RB1CC1: variants seen among roughly 807,000 people sequenced by gnomAD.
RB1CC1 encodes RB1-inducible coiled-coil protein 1.
In RB1CC1, 46 loss-of-function variants were observed where a neutral mutation model predicts 177.5. The observed-to-expected ratio is 0.26, with a 90% CI of 0.20 to 0.33. RB1CC1 has a LOEUF of 0.33. RB1CC1 is among the 10% of genes least tolerant of loss of function. The pLI, the probability that RB1CC1 is intolerant of heterozygous loss-of-function variation, is 1.00. For missense variants in RB1CC1, 1,703 were observed against 1,816.3 expected, an observed-to-expected ratio of 0.94 and a Z score of 1.13; for synonymous variants, 666 against 613.6, an observed-to-expected ratio of 1.09 and a Z score of -1.26.
chr8:52,660,038 G>T (rs192680403), intron 12 of RB1CC1, among the ~76,000 whole-genome samples: 90 of 152,302 alleles, frequency 5.9e-4, no homozygotes, highest in African/African-American at 2.0e-3. Context: ...TCTGATGGGG[G>T]TAAAAGCCCC....
At chr8:52,686,261 C>A (rs762372450) in intron 2 of RB1CC1, 3 of 152,272 alleles carry the variant, frequency 2.0e-5, no homozygotes, top group Non-Finnish European at 4.4e-5. Context: ...ATAACATACA[C>A]AACAAGCCAC....
Position 52,674,072 on chromosome 8 carries a change from GA to G in RB1CC1, c.774del (p.Lys260SerfsTer50). The G allele has an allele frequency of 6.2e-7, 1 of 1,614,136 alleles. No homozygotes were observed. Among genetic ancestry groups the G allele is most frequent in the Non-Finnish European group, 8.5e-7 (1 of 1,180,002 alleles). On this transcript the variant is annotated frameshift_variant, in exon 7 of 24. Transcript: ENST00000025008. LOFTEE classifies it high-confidence loss of function. ...GGGGACACATGTTCCACTGACTTGG[GA>G]AATGAGGTTAACAAAGATTCGTTAG... ...RTTNESLLTS[F>X]PKSVEHVSPD...
rs572699654 is a variant in RB1CC1, at chr8:52,697,026, A to G, written c.-166-10059T>C. On this transcript the variant is annotated intron_variant, in intron 1 of 23. Coordinates refer to ENST00000025008, the MANE Select transcript of RB1CC1 (RefSeq NM_014781.5). ...AAAACAAAAAACAAAACAAAACAAA[A>G]AAGATACGTATTTCAGTCCATTTAT... is the stretch of plus-strand genomic sequence containing the variant. Among the ~76,000 whole-genome samples the G allele has an allele frequency of 1.1e-4, 16 of 152,134 alleles. No individual in the cohort carries two copies. In the East Asian group the frequency reaches 1.4e-3, roughly 13 times the overall value.
At chr8:52,701,286 C>T (rs924081817) in intron 1 of RB1CC1, among the ~76,000 whole-genome samples, 3 of 152,032 alleles carry the variant, frequency 2.0e-5, no homozygotes, top group African/African-American at 7.2e-5. Context: ...CCACACCCAG[C>T]TAATTTTTTG....
intron 15 of RB1CC1, among the ~76,000 whole-genome samples, chr8:52,655,473 T>A (rs1851011211): frequency 6.6e-6 from 1 of 151,912 alleles, no homozygotes; most frequent in Non-Finnish European, 1.5e-5. Context: ...ACACCACCAA[T>A]CCACAACCAC....
intron 16 of RB1CC1, 73 bp downstream of exon 16, chr8:52,645,629 T>A: frequency 2.1e-6 from 3 of 1,461,622 alleles, no homozygotes; most frequent in African/African-American, 1.4e-5. Flanking sequence ...CTCAGCTACA[T>A]AAAGAAATTA....
chr8:52,664,559 G>C (rs536857334), intron 8 of RB1CC1, among the ~76,000 whole-genome samples: 1 of 152,190 alleles, frequency 6.6e-6, no homozygotes, highest in East Asian at 1.9e-4. Context: ...ATAAATTAGG[G>C]GGAATGAAGA....
At chr8:52,658,302 G>T (rs1382580685) in intron 13 of RB1CC1, among the ~76,000 whole-genome samples, 178 bp from the exon 14 acceptor site, 1 of 152,044 alleles carries the variant, frequency 6.6e-6, no homozygotes, top group Non-Finnish European at 1.5e-5. Flanking sequence ...CTTAGGGCCG[G>T]GCGTGGTGGA....
chr8:52,702,265 A>G (rs1856149909), intron 1 of RB1CC1, among the ~76,000 whole-genome samples: 1 of 152,220 alleles, frequency 6.6e-6, no homozygotes, highest in Non-Finnish European at 1.5e-5. Context: ...AAATATACCT[A>G]TTCATGCTAA....
chr8:52,679,527 G>C (rs1853494649), intron 5 of RB1CC1, among the ~76,000 whole-genome samples: 1 of 152,180 alleles, frequency 6.6e-6, no homozygotes, highest in African/African-American at 2.4e-5. Flanking sequence ...CTGCCCTTCT[G>C]AACCAAACCA....
At position 52,623,743 on chromosome 8, in the gene RB1CC1, G is replaced by A; in HGVS notation, c.*39C>T. On this transcript the variant is annotated 3_prime_UTR_variant, in exon 24 of 24. Coordinates refer to ENST00000025008, the MANE Select transcript of RB1CC1 (RefSeq NM_014781.5). ...TGAATGAGCACTGCAGGACAAATCA[G>A]AAAAAAATGTCATAGAATGTATTAA... The A allele has an allele frequency of 6.8e-7, 1 of 1,479,150 alleles. No individual in the cohort carries two copies. Among genetic ancestry groups the A allele is most frequent in the Non-Finnish European group, 9.4e-7 (1 of 1,059,388 alleles). 91.6% of individuals were successfully genotyped at this position (1,479,150 alleles called of 1,614,324 possible).
At chr8:52,641,894 A>G (rs1271468242) in intron 18 of RB1CC1, among the ~76,000 whole-genome samples, 10 of 152,160 alleles carry the variant, frequency 6.6e-5, no homozygotes, top group Admixed American at 5.2e-4. Flanking sequence ...AGAAAGTTCT[A>G]AATTCCAGTA....
At chr8:52,693,121 A>G (rs1260161486) in intron 1 of RB1CC1, among the ~76,000 whole-genome samples, 1 of 152,176 alleles carries the variant, frequency 6.6e-6, no homozygotes, top group Non-Finnish European at 1.5e-5. Context: ...ACAAAAATCA[A>G]CTCAAGATGG....
chr8:52,674,321 T>C, intron 6 of RB1CC1, 47 bp from the exon 7 acceptor site: 1 of 1,453,436 alleles, frequency 6.9e-7, no homozygotes, highest in Non-Finnish European at 9.6e-7. Context: ...ACTGCTCTAA[T>C]TAGGAATTAG....
intron 7 of RB1CC1, among the ~76,000 whole-genome samples, chr8:52,670,221 CCG>C (rs1287917136): frequency 2.0e-5 from 3 of 152,204 alleles, no homozygotes; most frequent in African/African-American, 7.2e-5. Flanking sequence ...GCATGAGTCA[CCG>C]TGCCCAGCTG....
Position 52,623,758 on chromosome 8 carries a change from GA to G in RB1CC1, c.*23del. ...GGACAAATCAGAAAAAAATGTCATA[GA>G]ATGTATTAATTTTGTCCATAAGTTA... On this transcript the variant is annotated 3_prime_UTR_variant, in exon 24 of 24. Transcript: ENST00000025008. 1 of 1,516,612 alleles carries G rather than the reference GA, an allele frequency of 6.6e-7. No homozygotes were observed. Among genetic ancestry groups the G allele is most frequent in the Non-Finnish European group, 9.2e-7 (1 of 1,092,428 alleles). 93.9% of individuals were successfully genotyped at this position (1,516,612 alleles called of 1,614,324 possible).
At chr8:52,651,816 A>G (rs1201937462) in intron 15 of RB1CC1, among the ~76,000 whole-genome samples, 1 of 152,234 alleles carries the variant, frequency 6.6e-6, no homozygotes, top group Non-Finnish European at 1.5e-5. Context: ...TAACTCCGTG[A>G]ACTCGTGTTT....
In RB1CC1 at chr8:52,623,471, G is replaced by A; in HGVS notation, c.*311C>T. On this transcript the variant is annotated 3_prime_UTR_variant, in exon 24 of 24. Transcript: ENST00000025008. The stretch of plus-strand genomic sequence containing the variant: ...GTATATTTAACAGGCAATTAATATG[G>A]CTCATCATAAGCCACAATGCACAAG... 3 of 372,188 alleles carry A rather than the reference G, an allele frequency of 8.1e-6. No homozygotes were observed. The highest frequency in any genetic ancestry group is 6.5e-5 in the South Asian group (3 of 45,896). The allele number at this position is 372,188 out of a possible 1,614,324, so 23.1% of individuals were successfully genotyped here.
intron 1 of RB1CC1, among the ~76,000 whole-genome samples, chr8:52,708,126 C>T (rs1176427855): frequency 2.0e-5 from 3 of 152,220 alleles, no homozygotes; most frequent in African/African-American, 4.8e-5. Flanking sequence ...GTATCATCAA[C>T]TACTCCCTTA....
Sources: allele counts gnomAD v4.1 joint callset (sites outside exome capture counted in the v4.1 genomes callset), GRCh38; gene constraint gnomAD v4.1.1; transcripts MANE v1.5; gene names NCBI Gene and HGNC (gene_info 2026-07-23, HGNC 2026-07-21).